The following TMTC2 variants were observed in gnomAD, a reference collection of about 807,000 sequenced individuals.
TMTC2 encodes the protein protein O-mannosyl-transferase TMTC2.
In TMTC2, 43 loss-of-function variants were observed where a neutral mutation model predicts 82.4. The ratio of observed to expected loss-of-function variants is 0.52; its 90% CI spans 0.41 to 0.67. The LOEUF (loss-of-function observed/expected upper bound fraction) is 0.67, where lower values mean the gene tolerates loss of function less well. Ranked by LOEUF, TMTC2 falls within the 30% of genes least tolerant of loss-of-function variation. TMTC2 has a pLI of 0.00. For synonymous variants in TMTC2, 408 were observed against 381.9 expected, an observed-to-expected ratio of 1.07 and a Z score of -0.80; for missense variants, 919 against 1,012.4, an observed-to-expected ratio of 0.91 and a Z score of 1.25.
At chr12:83,002,655 T>C (rs568876060) in intron 8 of TMTC2, among the ~76,000 whole-genome samples, 1 of 152,288 alleles carries the variant, frequency 6.6e-6, no homozygotes, top group African/African-American at 2.4e-5. Context: ...TTTTGTTGTT[T>C]ACCCAAAAGT....
chr12:82,715,942 C>T (rs921569687), intron 1 of TMTC2, among the ~76,000 whole-genome samples: 1 of 152,124 alleles, frequency 6.6e-6, no homozygotes, highest in Non-Finnish European at 1.5e-5. Flanking sequence ...TTCCTTCTCC[C>T]CTCCGCTCGT....
At chr12:82,811,857 G>A (rs1215887198) in intron 1 of TMTC2, among the ~76,000 whole-genome samples, 7 of 120,262 alleles carry the variant, frequency 5.8e-5, no homozygotes, top group Middle Eastern at 6.3e-3. Context: ...TCGCTCTGTC[G>A]CCCAGGCTGG....
intron 11 of TMTC2, among the ~76,000 whole-genome samples, chr12:83,080,490 A>G (rs528416961): frequency 1.3e-5 from 2 of 152,296 alleles, no homozygotes; most frequent in East Asian, 3.9e-4. Flanking sequence ...TTAAAAAATT[A>G]TGAAGTGTCA....
intron 8 of TMTC2, among the ~76,000 whole-genome samples, chr12:83,013,381 C>T (rs1880543934): frequency 6.6e-6 from 1 of 152,094 alleles, no homozygotes; most frequent in South Asian, 2.1e-4. Context: ...TCTTTAGGCA[C>T]ATAGCTTATT....
chr12:82,867,914 C>T (rs891545773), intron 2 of TMTC2, among the ~76,000 whole-genome samples: 1 of 152,142 alleles, frequency 6.6e-6, no homozygotes, highest in Non-Finnish European at 1.5e-5. Context: ...CTAATCTTTT[C>T]ACGCAGAGAT....
chr12:82,719,059 T>TTATATATATATA (rs1271920285), intron 1 of TMTC2, among the ~76,000 whole-genome samples: 63 of 94,422 alleles, frequency 6.7e-4, no homozygotes, highest in Middle Eastern at 7.1e-3. Flanking sequence ...TTAGATGATT[T>TTATATATATATA]TATATATATA....
At chr12:82,888,540 A>C (rs1873221920) in intron 2 of TMTC2, among the ~76,000 whole-genome samples, 1 of 152,236 alleles carries the variant, frequency 6.6e-6, no homozygotes. Flanking sequence ...TTCCTACCTC[A>C]GCCTCCTGAG....
chr12:82,836,965 T>G (rs2137083888), intron 1 of TMTC2, among the ~76,000 whole-genome samples: 1 of 152,340 alleles, frequency 6.6e-6, no homozygotes, highest in African/African-American at 2.4e-5. Context: ...CTGCCATCAC[T>G]TTTTTCCTTT....
intron 2 of TMTC2, among the ~76,000 whole-genome samples, chr12:82,878,594 T>A (rs7304122): frequency 0.15 from 22,152 of 152,130 alleles, 4,937 homozygotes; most frequent in African/African-American, 0.48. Context: ...AGTAAAGATA[T>A]CAATGTAATT....
At chr12:82,999,622 A>AAGAGAG (rs78390130) in intron 8 of TMTC2, among the ~76,000 whole-genome samples, 2 of 150,246 alleles carry the variant, frequency 1.3e-5, no homozygotes, top group Non-Finnish European at 3.0e-5. Flanking sequence ...TCAGCAGGCA[A>AAGAGAG]AGAGAGAGAG....
intron 1 of TMTC2, among the ~76,000 whole-genome samples, chr12:82,828,074 G>A (rs1166966996): frequency 1.3e-5 from 2 of 151,612 alleles, no homozygotes; most frequent in East Asian, 3.9e-4. Flanking sequence ...TGTATTTTTA[G>A]TAGAGACTGG....
At chr12:82,830,849 A>T (rs979230733) in intron 1 of TMTC2, among the ~76,000 whole-genome samples, 2 of 152,212 alleles carry the variant, frequency 1.3e-5, no homozygotes, top group African/African-American at 4.8e-5. Flanking sequence ...GATATATTTC[A>T]GTTAAGTTTT....
chr12:82,907,830 T>C (rs1874406567), intron 3 of TMTC2, among the ~76,000 whole-genome samples: 1 of 152,020 alleles, frequency 6.6e-6, no homozygotes, highest in Non-Finnish European at 1.5e-5. Flanking sequence ...AAAAATGTCC[T>C]AGGCCAGGCG....
At chr12:83,047,777 C>T (rs1309950202) in intron 9 of TMTC2, among the ~76,000 whole-genome samples, 1 of 152,134 alleles carries the variant, frequency 6.6e-6, no homozygotes, top group African/African-American at 2.4e-5. Context: ...GCACATGTTG[C>T]ATGGCAAAGC....
intron 4 of TMTC2, among the ~76,000 whole-genome samples, chr12:82,960,440 C>T (rs372176068): frequency 2.6e-5 from 4 of 152,192 alleles, no homozygotes; most frequent in African/African-American, 9.6e-5. Flanking sequence ...GAATACTACA[C>T]AGCCATAAAA....
intron 11 of TMTC2, among the ~76,000 whole-genome samples, chr12:83,074,544 C>A (rs371139508): frequency 6.6e-6 from 1 of 152,010 alleles, no homozygotes; most frequent in African/African-American, 2.4e-5. Flanking sequence ...GGGTTAGAGT[C>A]CCAGGTCCCT....
chr12:82,894,882 A>G (rs1039074829), intron 2 of TMTC2, among the ~76,000 whole-genome samples: 2 of 151,652 alleles, frequency 1.3e-5, no homozygotes, highest in African/African-American at 2.4e-5. Flanking sequence ...TCACTGCAAC[A>G]TGTTTCTCCT....
intron 4 of TMTC2, among the ~76,000 whole-genome samples, chr12:82,940,264 A>G (rs967579183): frequency 2.6e-5 from 4 of 151,640 alleles, no homozygotes; most frequent in Admixed American, 6.6e-5. Context: ...TGATCCGCCC[A>G]CCTTGGCCTC....
intron 11 of TMTC2, among the ~76,000 whole-genome samples, chr12:83,126,434 C>T (rs1201882538): frequency 6.6e-6 from 1 of 152,006 alleles, no homozygotes; most frequent in African/African-American, 2.4e-5. Context: ...AATAAAAAAC[C>T]TGCATATGGC....
Sources: allele counts gnomAD v4.1 joint callset (sites outside exome capture counted in the v4.1 genomes callset), GRCh38; gene constraint gnomAD v4.1.1; transcripts MANE v1.5; gene names NCBI Gene and HGNC (gene_info 2026-07-23, HGNC 2026-07-21).